The following LAP3 variants were observed in gnomAD, a reference collection of about 807,000 sequenced individuals.
LAP3 encodes the protein leucine aminopeptidase 3.
LAP3 carries 46 observed loss-of-function variants against 58.8 expected under a neutral mutation model. The observed-to-expected ratio is 0.78, with a 90% CI of 0.62 to 1.00. The LOEUF (loss-of-function observed/expected upper bound fraction) is 1.00. LAP3 is among the 50% of genes least tolerant of loss of function. LAP3 has a pLI of 0.00. For missense variants in LAP3, 615 were observed against 659.1 expected (o/e 0.93, Z 0.73); for synonymous variants, 257 against 237.7 (o/e 1.08, Z -0.75).
intron 7 of LAP3, among the ~76,000 whole-genome samples, chr4:17,592,344 C>CTTCT (rs74278792): frequency 0.73 from 111,466 of 151,944 alleles, 41,605 homozygotes; most frequent in East Asian, 0.93. Flanking sequence ...TGATGTCTGG[C>CTTCT]TTCTTTCAGC....
At chr4:17,596,332 T>A (rs1713828941) in intron 8 of LAP3, among the ~76,000 whole-genome samples, 1 of 152,024 alleles carries the variant, frequency 6.6e-6, no homozygotes. Context: ...TATATTTAGG[T>A]TTTTTTGGTT....
chr4:17,589,859 C>T (rs1364129703), intron 7 of LAP3, among the ~76,000 whole-genome samples: 1 of 152,194 alleles, frequency 6.6e-6, no homozygotes, highest in Non-Finnish European at 1.5e-5. Flanking sequence ...TTGTATTATG[C>T]TGTCTTCCCT....
Position 17,585,044 on chromosome 4 carries a change from G to A in LAP3, c.612G>A (p.Glu204=). Residue 204 remains glutamate (E), a synonymous_variant, in exon 6 of 13, where the codon GAG becomes GAA. Coordinates refer to ENST00000226299, the MANE Select transcript of LAP3 (RefSeq NM_015907.3). The stretch of plus-strand genomic sequence containing the variant: ...AGAACTTGGCACGCCAATTGATGGA[G>A]ACGCCAGCCAATGAGATGACGCCAA... ...SGQNLARQLM[E]TPANEMTPTR... is the part of the protein sequence containing the mutation. 1.2e-6 allele frequency: 2 copies of A among 1,614,118 alleles called. No individual in the cohort carries two copies. The highest frequency in any genetic ancestry group is 1.3e-5 in the African/African-American group (1 of 75,048).
Position 17,607,430 on chromosome 4 carries a change from C to A in LAP3, c.1401C>A (p.Phe467Leu). ...CAGGAGCATGTACAGCTGCAGCATTCCTGAAAGAATTCGTAACTCATCCTA... is the reference window on the plus strand; with the variant it reads ...CAGGAGCATGTACAGCTGCAGCATTACTGAAAGAATTCGTAACTCATCCTA... ...RSAGACTAAA[F>L]LKEFVTHPKW... The change falls in exon 13 of 13, where the codon TTC (phenylalanine) becomes TTA (leucine). Residue 467 changes from phenylalanine (F) to leucine (L), a missense_variant. Physicochemically the swap from Phe to Leu is conservative, Grantham distance 22. Transcript: ENST00000226299. The A allele has an allele frequency of 6.2e-7, 1 of 1,613,612 alleles. No individual in the cohort carries two copies. The highest frequency in any genetic ancestry group is 1.1e-5 in the South Asian group (1 of 90,980).
At chr4:17,581,588 AAAAG>A (rs934737613) in intron 2 of LAP3, among the ~76,000 whole-genome samples, 168 bp from the exon 3 acceptor site, 7 of 151,656 alleles carry the variant, frequency 4.6e-5, no homozygotes, top group Non-Finnish European at 1.0e-4. Context: ...AAAAAAAAAA[AAAAG>A]AAAGAAATCT....
chr4:17,583,726 A>G, intron 5 of LAP3, 84 bp downstream of exon 5: 2 of 1,483,696 alleles, frequency 1.3e-6, no homozygotes, highest in Non-Finnish European at 1.9e-6. Context: ...CCTGCTTTTC[A>G]GCGCCACCCA....
chr4:17,593,522 CAT>C (rs34802213), intron 7 of LAP3, among the ~76,000 whole-genome samples: 80,240 of 151,028 alleles, frequency 0.53, 24,525 homozygotes, highest in East Asian at 0.88. Context: ...AATCTAGTCA[CAT>C]GAGTCCTCCA....
chr4:17,598,623 C>A, intron 10 of LAP3, 65 bp downstream of exon 10: 1 of 1,159,758 alleles, frequency 8.6e-7, no homozygotes, highest in Non-Finnish European at 1.3e-6. Flanking sequence ...GGATTTCACA[C>A]ACTATACTTG....
At chr4:17,585,364 T>A in intron 6 of LAP3, 1 of 376,068 alleles carries the variant, frequency 2.7e-6, no homozygotes, top group Non-Finnish European at 4.9e-6. Flanking sequence ...ATGTGTATAT[T>A]TCATAACTGT....
chr4:17,585,320 C>T (rs777300342), intron 6 of LAP3, 184 bp downstream of exon 6: 1 of 540,708 alleles, frequency 1.8e-6, no homozygotes, highest in Non-Finnish European at 3.3e-6. Context: ...TCTTTCCTTG[C>T]CTTTGAGAGA....
At position 17,607,919 on chromosome 4, in the gene LAP3, C is replaced by T. The variant is rs1199522942; in HGVS notation, c.*330C>T. 1 of 190,116 alleles carries T rather than the reference C, an allele frequency of 5.3e-6. No individual in the cohort carries two copies. The highest frequency in any genetic ancestry group is 1.1e-5 in the Non-Finnish European group (1 of 91,848). 11.8% of individuals were successfully genotyped at this position (190,116 alleles called of 1,614,324 possible). On this transcript the variant is annotated 3_prime_UTR_variant, in exon 13 of 13. Coordinates refer to ENST00000226299, the MANE Select transcript of LAP3 (RefSeq NM_015907.3). ...TTGTGATGCTAGGAACATGAGCAAA[C>T]TGAAAATTACTATGCACTTGTCAGA...
intron 7 of LAP3, 55 bp from the exon 8 acceptor site, chr4:17,595,355 T>G: frequency 6.3e-7 from 1 of 1,593,278 alleles, no homozygotes; most frequent in Non-Finnish European, 8.6e-7. Flanking sequence ...TTAAATAAAG[T>G]GATTTTGGCC....
intron 1 of LAP3, 54 bp downstream of exon 1, chr4:17,577,621 A>G (rs530504038): frequency 2.0e-4 from 278 of 1,379,068 alleles, no homozygotes; most frequent in Non-Finnish European, 2.2e-4. Context: ...CCCGTGGGCT[A>G]CTGGGGCTGC....
intron 10 of LAP3, among the ~76,000 whole-genome samples, chr4:17,603,826 C>G (rs1230150302): frequency 1.4e-5 from 2 of 138,294 alleles, no homozygotes; most frequent in African/African-American, 2.8e-5. Flanking sequence ...TTTTTTTTTT[C>G]TTTCTTTCTT....
In LAP3 at chr4:17,607,582, A is replaced by G. The variant is rs752370315; in HGVS notation, c.1553A>G (p.Asn518Ser). Residue 518 changes from asparagine (N) to serine (S), a missense_variant, in exon 13 of 13, where the codon AAT becomes AGT. Physicochemically the swap from Asn to Ser is conservative, Grantham distance 46. Transcript: ENST00000226299. ...TTCTTACTTCGTTTCAGTCAAGACA[A>G]TGCTTAGTTCAGATACTCAAAAATG... ...IEFLLRFSQD[N>S]A 311 of 1,611,404 alleles carry G rather than the reference A, an allele frequency of 1.9e-4. 2 individuals carry two copies. Among genetic ancestry groups the G allele is most frequent in the Non-Finnish European group, 2.8e-5 (33 of 1,179,192 alleles).
chr4:17,583,537 G>T lies in LAP3; in HGVS notation c.434G>T (p.Cys145Phe). The T allele has an allele frequency of 2.5e-6, 4 of 1,614,192 alleles. No individual in the cohort carries two copies. The highest frequency in any genetic ancestry group is 3.4e-6 in the Non-Finnish European group (4 of 1,180,038). The stretch of plus-strand genomic sequence containing the variant: ...CTCTCGTCTGTGGAGGTGGATCCCT[G>T]TGGAGACGCTCAGGCTGCTGCGGAG... ...LELSSVEVDP[C>F]GDAQAAAEGA... The change falls in exon 5 of 13, where the codon TGT (cysteine) becomes TTT (phenylalanine). Residue 145 changes from cysteine to phenylalanine, a missense_variant. Physicochemically the swap from Cys to Phe is radical, Grantham distance 205. Coordinates refer to ENST00000226299, the MANE Select transcript of LAP3 (RefSeq NM_015907.3).
chr4:17,593,396 A>T (rs1169402645), intron 7 of LAP3, among the ~76,000 whole-genome samples: 1 of 151,614 alleles, frequency 6.6e-6, no homozygotes, highest in Non-Finnish European at 1.5e-5. Context: ...CTACCTTGGC[A>T]CCTCGGGTGG....
At position 17,589,003 on chromosome 4, in the gene LAP3, G is replaced by A. The variant is rs776566212; in HGVS notation, c.863+26G>A. On this transcript the variant is annotated intron_variant, in intron 7 of 12. Transcript: ENST00000226299. Reference sequence around the variant, plus strand: ...GTATTTTTTATGGTGTCCGTGCTTTGTATTTTGGTGAATTATTTGTGTGCA... The same window carrying A: ...GTATTTTTTATGGTGTCCGTGCTTTATATTTTGGTGAATTATTTGTGTGCA... The A allele has an allele frequency of 2.1e-5, 34 of 1,597,064 alleles. 1 individual carries two copies.
chr4:17,581,592 GAAA>G (rs1483338536), intron 2 of LAP3, among the ~76,000 whole-genome samples, 165 bp from the exon 3 acceptor site: 1 of 143,380 alleles, frequency 7.0e-6, no homozygotes, highest in African/African-American at 2.6e-5. Context: ...AAAAAAAAAA[GAAA>G]GAAATCTGGC....
Sources: gnomAD v4.1 joint callset for allele counts (sites outside exome capture counted in the v4.1 genomes callset) on GRCh38, gnomAD v4.1.1 for gene constraint, MANE v1.5 for transcripts, NCBI Gene and HGNC (gene_info 2026-07-23, HGNC 2026-07-21) for gene names.